The following DSE variants were observed in gnomAD, a reference collection of about 807,000 sequenced individuals.
DSE encodes the protein dermatan-sulfate epimerase.
Under a neutral mutation model 84.4 loss-of-function variants are expected in DSE, and 36 were observed. The observed-to-expected ratio is 0.43, with a 90% CI of 0.33 to 0.56. The LOEUF (loss-of-function observed/expected upper bound fraction) is 0.56, where lower values mean the gene tolerates loss of function less well. DSE is among the 20% of genes least tolerant of loss of function. DSE has a pLI of 0.06. For missense variants in DSE, 862 were observed against 1,169.6 expected (o/e 0.74, Z 3.84); for synonymous variants, 410 against 430.1 (o/e 0.95, Z 0.58).
At chr6:116,363,165 C>A (rs749417417) in intron 2 of DSE, among the ~76,000 whole-genome samples, 1 of 152,044 alleles carries the variant, frequency 6.6e-6, no homozygotes, top group Non-Finnish European at 1.5e-5. Flanking sequence ...TATCCTATAT[C>A]TATTTCTACT....
intron 2 of DSE, among the ~76,000 whole-genome samples, chr6:116,357,652 T>C (rs963640718): frequency 6.6e-6 from 1 of 152,218 alleles, no homozygotes; most frequent in African/African-American, 2.4e-5. Context: ...ATGTAAGAAC[T>C]TTAATAGTGT....
At chr6:116,365,920 A>G (rs570480245), upstream of DSE, among the ~76,000 whole-genome samples, 62 of 152,344 alleles carry the variant, frequency 4.1e-4, no homozygotes, top group Admixed American at 6.5e-4. Flanking sequence ...GAGGTAGGGT[A>G]TCACTCACCT....
intron 2 of DSE, among the ~76,000 whole-genome samples, chr6:116,411,195 A>G (rs528388873): frequency 6.6e-6 from 1 of 152,144 alleles, no homozygotes; most frequent in Non-Finnish European, 1.5e-5. Flanking sequence ...TGTCTCAGTC[A>G]TAAAAAAATA....
intron 2 of DSE, among the ~76,000 whole-genome samples, chr6:116,420,577 T>A (rs1174570567): frequency 6.6e-6 from 1 of 152,218 alleles, no homozygotes; most frequent in Non-Finnish European, 1.5e-5. Context: ...TGTCAGACCT[T>A]CAGCTTCCAG....
intron 2 of DSE, among the ~76,000 whole-genome samples, chr6:116,357,463 C>G (rs1384498848): frequency 1.3e-5 from 2 of 151,070 alleles, no homozygotes; most frequent in African/African-American, 4.9e-5. Flanking sequence ...ACCCAGGAGG[C>G]AGAGCTTGCA....
chr6:116,383,149 A>G (rs755492507), intron 1 of DSE, among the ~76,000 whole-genome samples: 11 of 152,144 alleles, frequency 7.2e-5, no homozygotes, highest in Non-Finnish European at 1.0e-4. Flanking sequence ...GTGTTCCCCA[A>G]CCCCACCTTA....
chr6:116,372,506 A>T (rs1460090427), intron 1 of DSE, among the ~76,000 whole-genome samples: 1 of 152,248 alleles, frequency 6.6e-6, no homozygotes, highest in African/African-American at 2.4e-5. Context: ...TGAAATAGTG[A>T]TAAACAATAT....
chr6:116,255,593 CTTT>C (rs1168657581), intron 1 of DSE: 2 of 152,204 alleles, frequency 1.3e-5, no homozygotes, highest in African/African-American at 4.8e-5. Context: ...AATAAACGCT[CTTT>C]TTTTATTTGT....
chr6:116,294,379 G>C (rs1427287557), intron 2 of DSE, among the ~76,000 whole-genome samples: 1 of 152,162 alleles, frequency 6.6e-6, no homozygotes, highest in Non-Finnish European at 1.5e-5. Context: ...GCAAAAAACA[G>C]TTTTCAAGTT....
intron 2 of DSE, chr6:116,279,631 T>A (rs1773375556): frequency 2.5e-6 from 4 of 1,604,168 alleles, no homozygotes; most frequent in Non-Finnish European, 2.5e-6. Flanking sequence ...TACGCCCCCC[T>A]CCTCTGAAGG....
intron 2 of DSE, chr6:116,279,828 CATG>C: frequency 6.2e-7 from 1 of 1,613,048 alleles, no homozygotes; most frequent in Non-Finnish European, 8.5e-7. Flanking sequence ...CCAGGCCGCT[CATG>C]TTGCTAACAG....
chr6:116,302,828 A>G (rs537256727), intron 2 of DSE, among the ~76,000 whole-genome samples: 1 of 152,304 alleles, frequency 6.6e-6, no homozygotes, highest in East Asian at 1.9e-4. Flanking sequence ...ATAAGGTGTA[A>G]GGAAGGGGTC....
chr6:116,258,731 C>A (rs1772262767), exon 2 of DSE: 1 of 1,608,570 alleles, frequency 6.2e-7, no homozygotes, highest in Non-Finnish European at 8.5e-7. Flanking sequence ...CCGGCGCACC[C>A]AATGCGTGTG....
Position 116,404,990 on chromosome 6 carries a change from T to TG in DSE, c.416+5324_416+5325insG, listed in dbSNP as rs1367781165. Among the ~76,000 whole-genome samples the TG allele has an allele frequency of 8.2e-3, 1,237 of 150,050 alleles. 31 individuals carry two copies. The highest frequency in any genetic ancestry group is 9.8e-3 in the Non-Finnish European group (662 of 67,486). On this transcript the variant is annotated intron_variant, in intron 2 of 5. Coordinates refer to ENST00000644252, the MANE Select transcript of DSE (RefSeq NM_013352.4). ...TTTGGACAGAGAAGTAATTGTGTTT[T>TG]TTTTTTTTTTTTGCAACAGACTGAG...
intron 2 of DSE, among the ~76,000 whole-genome samples, chr6:116,287,749 C>T (rs1019004998): frequency 6.6e-6 from 1 of 152,054 alleles, no homozygotes; most frequent in Non-Finnish European, 1.5e-5. Flanking sequence ...AGTAGCAACT[C>T]TCATTTTTTG....
At chr6:116,326,566 C>T (rs1776634201) in intron 2 of DSE, among the ~76,000 whole-genome samples, 1 of 152,182 alleles carries the variant, frequency 6.6e-6, no homozygotes, top group Non-Finnish European at 1.5e-5. Flanking sequence ...CCGGCGTCTT[C>T]TGAATGGATA....
Position 116,278,516 on chromosome 6 carries a change from G to C in DSE, c.-54+19549G>C, listed in dbSNP as rs73767711. On this transcript the variant is annotated intron_variant, in intron 2 of 3. Transcript: ENST00000430252. The stretch of plus-strand genomic sequence containing the variant: ...TGCAGGAGTATTCCCAAGGGCAAAT[G>C]TTAACCAGACTGGAACCCAAAGGGC... The C allele has an allele frequency of 3.5e-3, 5,613 of 1,614,000 alleles. 178 individuals are homozygous for C. In the African/African-American group the frequency reaches 0.065, roughly 19 times the overall value.
At chr6:116,319,140 T>C (rs943026042) in intron 2 of DSE, among the ~76,000 whole-genome samples, 4 of 152,186 alleles carry the variant, frequency 2.6e-5, no homozygotes, top group African/African-American at 9.7e-5. Context: ...AAGATGTTCA[T>C]TGAAAAATAA....
Position 116,426,778 on chromosome 6 carries a change from C to T in DSE, c.621C>T (p.Pro207=). 6.2e-7 allele frequency: 1 copy of T among 1,614,164 alleles called. No homozygotes were observed. The highest frequency in any genetic ancestry group is 8.5e-7 in the Non-Finnish European group (1 of 1,180,024). ...TTCAATACCTGCACAATCATCAGCCCACCAACTGTATGGCTTTGCTCACGG... is the reference window on the plus strand; with the variant it reads ...TTCAATACCTGCACAATCATCAGCCTACCAACTGTATGGCTTTGCTCACGG... ...WGFQYLHNHQ[P]TNCMALLTGS... is the part of the protein sequence containing the mutation. The change falls in exon 3 of 6, where the codon CCC becomes CCT. Residue 207 remains proline (P), a synonymous_variant. Coordinates refer to ENST00000644252, the MANE Select transcript of DSE (RefSeq NM_013352.4).
Sources: allele counts gnomAD v4.1 joint callset (sites outside exome capture counted in the v4.1 genomes callset), GRCh38; gene constraint gnomAD v4.1.1; transcripts MANE v1.5; gene names NCBI Gene and HGNC (gene_info 2026-07-23, HGNC 2026-07-21).